The following GNB4 variants were observed in gnomAD, a reference collection of about 807,000 sequenced individuals.
GNB4 encodes the protein guanine nucleotide-binding protein subunit beta-4.
Under a neutral mutation model 45.2 loss-of-function variants are expected in GNB4, and 28 were observed. The observed-to-expected ratio is 0.62, with a 90% CI of 0.46 to 0.85. GNB4 has a LOEUF of 0.85. GNB4 is among the 40% of genes least tolerant of loss of function. The pLI is 0.00. For synonymous variants in GNB4, 132 were observed against 143.7 expected, an observed-to-expected ratio of 0.92 and a Z score of 0.58; for missense variants, 321 against 425.4, an observed-to-expected ratio of 0.75 and a Z score of 2.16.
chr3:179,517,474 G>C, the GNB4 span, among the ~76,000 whole-genome samples: 1 of 152,178 alleles, frequency 6.6e-6, no homozygotes, highest in African/African-American at 2.4e-5. Flanking sequence ...ACATGGACAT[G>C]AGTGAAATTT....
chr3:179,453,889 T>C (rs1715940647), upstream of GNB4, among the ~76,000 whole-genome samples: 1 of 151,926 alleles, frequency 6.6e-6, no homozygotes, highest in African/African-American at 2.4e-5. Context: ...GACAAGCCTA[T>C]ACTGAAAATC....
At chr3:179,430,423 T>C (rs1715276410) in intron 1 of GNB4, among the ~76,000 whole-genome samples, 1 of 151,940 alleles carries the variant, frequency 6.6e-6, no homozygotes, top group African/African-American at 2.4e-5. Context: ...AGCTGACTTC[T>C]TTCCTGTTTG....
At chr3:179,502,783 T>C in the GNB4 span, among the ~76,000 whole-genome samples, 1 of 152,188 alleles carries the variant, frequency 6.6e-6, no homozygotes. Flanking sequence ...ATATAGTCAT[T>C]TAAATCAGAG....
In GNB4 at chr3:179,440,870, TATAG is replaced by T. The variant is rs200809006; in HGVS notation, c.-43+10472_-43+10475del. 2.6e-3 allele frequency among the ~76,000 whole-genome samples: 326 copies of T among 124,994 alleles called. 1 individual carries two copies. The highest frequency in any genetic ancestry group is 4.4e-3 in the Admixed American group (51 of 11,716). The allele number at this position is 124,994 out of a possible 152,430, so 82.0% of individuals were successfully genotyped here. On this transcript the variant is annotated intron_variant, in intron 1 of 9. Coordinates refer to ENST00000232564, the MANE Select transcript of GNB4 (RefSeq NM_021629.4). ...TGTATTTTTTAAAAATTCCTATATA[TATAG>T]ATAGATAGAGAGAGAGAGAGAGAGA...
At chr3:179,511,064 C>T in the GNB4 span, among the ~76,000 whole-genome samples, 1 of 152,158 alleles carries the variant, frequency 6.6e-6, no homozygotes, top group Non-Finnish European at 1.5e-5. Context: ...CTGACCATCC[C>T]TGGGTGGCAG....
chr3:179,418,964 G>A (rs1714896701), intron 4 of GNB4, among the ~76,000 whole-genome samples: 1 of 152,238 alleles, frequency 6.6e-6, no homozygotes, highest in African/African-American at 2.4e-5. Flanking sequence ...AGTAAAAGAT[G>A]TATTCAGTAC....
rs570292641 is a variant in GNB4 at position 179,421,000 on chromosome 3, A to T, written c.58-73T>A. ...GACTAAAGTGATACTTTTATTGAAA[A>T]CGTAGATTTGTGAATTTACTTCTCA... On this transcript the variant is annotated intron_variant, in intron 2 of 9. Transcript: ENST00000232564. 21 of 877,502 alleles carry T rather than the reference A, an allele frequency of 2.4e-5. No individual in the cohort carries two copies. In the South Asian group the frequency reaches 3.1e-4, roughly 13 times the overall value. 54.4% of individuals were successfully genotyped at this position (877,502 alleles called of 1,614,324 possible).
chr3:179,425,633 G>C (rs1316145341), intron 2 of GNB4, among the ~76,000 whole-genome samples: 2 of 151,966 alleles, frequency 1.3e-5, no homozygotes, highest in Non-Finnish European at 2.9e-5. Context: ...ACCACGCCTG[G>C]CTAATTTTTC....
At chr3:179,491,743 C>A in the GNB4 span, among the ~76,000 whole-genome samples, 1 of 152,146 alleles carries the variant, frequency 6.6e-6, no homozygotes, top group African/African-American at 2.4e-5. Flanking sequence ...TTTTACCAAG[C>A]TATTTTTGTA....
the GNB4 span, among the ~76,000 whole-genome samples, chr3:179,513,525 A>G: frequency 6.6e-6 from 1 of 152,066 alleles, no homozygotes; most frequent in African/African-American, 2.4e-5. Context: ...TCAGCTGTAC[A>G]TGTACATAGT....
chr3:179,423,979 TCGCAGGAAAGGAGA>T (rs1301333533), intron 2 of GNB4, among the ~76,000 whole-genome samples: 2 of 151,144 alleles, frequency 1.3e-5, no homozygotes, highest in Non-Finnish European at 3.0e-5. Context: ...ACAGCACAAG[TCGCAGGAAAGGAGA>T]TGAGAAAGAG....
chr3:179,462,532 T>A, the GNB4 span, among the ~76,000 whole-genome samples: 5 of 152,290 alleles, frequency 3.3e-5, no homozygotes, highest in Admixed American at 1.3e-4. Flanking sequence ...ACTTCTTTTT[T>A]AAAATCTATT....
chr3:179,469,832 AC>A, the GNB4 span, among the ~76,000 whole-genome samples: 4 of 152,184 alleles, frequency 2.6e-5, no homozygotes, highest in South Asian at 8.3e-4. Flanking sequence ...AAATGCAAAA[AC>A]ATACTAATGT....
rs773109308 is a variant in GNB4 at position 179,420,847 on chromosome 3, TTA to T, written c.96+40_96+41del. On this transcript the variant is annotated intron_variant, in intron 3 of 9. Coordinates refer to ENST00000232564, the MANE Select transcript of GNB4 (RefSeq NM_021629.4). Reference sequence around the variant, plus strand: ...TCATTTGCCTCTATGTCAAATTATTTTATGAGTTACCAAAATGAAATAAAGAA... The same window carrying T: ...TCATTTGCCTCTATGTCAAATTATTTTGAGTTACCAAAATGAAATAAAGAA... 3.1e-6 allele frequency: 4 copies of T among 1,279,942 alleles called. No individual in the cohort carries two copies. In the South Asian group the frequency reaches 3.7e-5, roughly 12 times the overall value. 79.3% of individuals were successfully genotyped at this position (1,279,942 alleles called of 1,614,324 possible).
chr3:179,517,303 C>G, the GNB4 span, among the ~76,000 whole-genome samples: 1 of 152,086 alleles, frequency 6.6e-6, no homozygotes, highest in Non-Finnish European at 1.5e-5. Context: ...TACCAGAGAA[C>G]AACCCCCCTT....
At chr3:179,496,857 C>T in the GNB4 span, among the ~76,000 whole-genome samples, 1 of 152,070 alleles carries the variant, frequency 6.6e-6, no homozygotes, top group African/African-American at 2.4e-5. Context: ...TGTTAAAGAA[C>T]TAAGAGAGAA....
At chr3:179,524,035 A>G in the GNB4 span, among the ~76,000 whole-genome samples, 4 of 152,220 alleles carry the variant, frequency 2.6e-5, no homozygotes, top group African/African-American at 9.7e-5. Flanking sequence ...ACAGTTATGG[A>G]GGCAAAGGAA....
At chr3:179,508,637 C>G in the GNB4 span, among the ~76,000 whole-genome samples, 1 of 151,926 alleles carries the variant, frequency 6.6e-6, no homozygotes, top group Non-Finnish European at 1.5e-5. Context: ...AAGATAATCC[C>G]TAATTTAAAA....
Position 179,405,148 on chromosome 3 carries a change from G to A in GNB4, c.916+42C>T, listed in dbSNP as rs758603213. The A allele has an allele frequency of 2.7e-5, 40 of 1,502,622 alleles. No homozygotes were observed. The East Asian group carries it at 5.2e-4, about 20-fold the overall frequency. 93.1% of individuals were successfully genotyped at this position (1,502,622 alleles called of 1,614,324 possible). On this transcript the variant is annotated intron_variant, in intron 9 of 9. Transcript: ENST00000232564. ...ACACAACTGATGGGAACCTCTTCAC[G>A]CTTCCTGAAAATCAGAACCTAATGT...
Sources: allele counts gnomAD v4.1 joint callset (sites outside exome capture counted in the v4.1 genomes callset), GRCh38; gene constraint gnomAD v4.1.1; transcripts MANE v1.5; gene names NCBI Gene and HGNC (gene_info 2026-07-23, HGNC 2026-07-21).